The following SELENOI variants were observed in gnomAD, a reference collection of about 807,000 sequenced individuals.
The protein encoded by SELENOI is ethanolaminephosphotransferase 1.
SELENOI carries 24 observed loss-of-function variants against 50.7 expected under a neutral mutation model. That is an observed-to-expected ratio of 0.47 (90% CI 0.34 to 0.67). The LOEUF (loss-of-function observed/expected upper bound fraction) is 0.67, where lower values mean the gene tolerates loss of function less well. Among genes scored for constraint, SELENOI ranks in the 30% least tolerant of loss-of-function variants. The pLI, the probability that SELENOI is intolerant of heterozygous loss-of-function variation, is 0.01. For synonymous variants in SELENOI, 155 were observed against 170.2 expected, an observed-to-expected ratio of 0.91 and a Z score of 0.70; for missense variants, 352 against 461.4, an observed-to-expected ratio of 0.76 and a Z score of 2.17.
intron 1 of SELENOI, among the ~76,000 whole-genome samples, chr2:26,350,270 T>G (rs1361208497): frequency 6.6e-6 from 1 of 152,130 alleles, no homozygotes; most frequent in African/African-American, 2.4e-5. Flanking sequence ...TAAAGAGAGA[T>G]TGTGTTTGCA....
At chr2:26,349,676 T>TG (rs1377673241) in intron 1 of SELENOI, among the ~76,000 whole-genome samples, 1 of 150,042 alleles carries the variant, frequency 6.7e-6, no homozygotes, top group African/African-American at 2.4e-5. Flanking sequence ...GTTGGTTTTT[T>TG]TTTTTTTTTT....
At chr2:26,365,472 A>T (rs1386773412) in intron 3 of SELENOI, among the ~76,000 whole-genome samples, 1 of 152,174 alleles carries the variant, frequency 6.6e-6, no homozygotes, top group African/African-American at 2.4e-5. Context: ...CACTCATTTT[A>T]TCTTCACTCT....
intron 1 of SELENOI, among the ~76,000 whole-genome samples, chr2:26,351,055 G>GTTTTTTTTTTTTTTTTTT: frequency 9.7e-6 from 1 of 102,898 alleles, no homozygotes; most frequent in Non-Finnish European, 2.0e-5. Flanking sequence ...CTGTTTGTTT[G>GTTTTTTTTTTTTTTTTTT]TTTTTTTTTT....
At chr2:26,351,055 G>GTTTTTT (rs35623246) in intron 1 of SELENOI, among the ~76,000 whole-genome samples, 15 of 102,864 alleles carry the variant, frequency 1.5e-4, no homozygotes, top group Non-Finnish European at 2.5e-4. Context: ...CTGTTTGTTT[G>GTTTTTT]TTTTTTTTTT....
intron 1 of SELENOI, among the ~76,000 whole-genome samples, chr2:26,361,846 C>T (rs1008279518): frequency 6.6e-6 from 1 of 152,092 alleles, no homozygotes; most frequent in Non-Finnish European, 1.5e-5. Context: ...TTAGTAGACA[C>T]GGAGTTTCAC....
intron 4 of SELENOI, among the ~76,000 whole-genome samples, chr2:26,369,159 C>T (rs76487493): frequency 6.6e-6 from 1 of 152,174 alleles, no homozygotes; most frequent in African/African-American, 2.4e-5. Flanking sequence ...CTGTTTCTGC[C>T]TGTAAAATGA....
Position 26,360,960 on chromosome 2 carries a change from A to G in SELENOI, c.58-3342A>G, listed in dbSNP as rs537538191. On this transcript the variant is annotated intron_variant, in intron 1 of 9. Coordinates refer to ENST00000260585, the MANE Select transcript of SELENOI (RefSeq NM_033505.4). ...GCCGGCACGGTGGCTTACGCCTGTA[A>G]TCCCAGCACTTTGGGAGGCCAAGGT... 3.9e-5 allele frequency among the ~76,000 whole-genome samples: 6 copies of G among 152,308 alleles called. No individual in the cohort carries two copies. In the East Asian group the frequency reaches 1.2e-3, roughly 29 times the overall value.
At chr2:26,373,338 A>C in intron 4 of SELENOI, 29 bp from the exon 5 acceptor site, 1 of 1,590,516 alleles carries the variant, frequency 6.3e-7, no homozygotes, top group South Asian at 1.1e-5. Flanking sequence ...CATACGTTGA[A>C]CTTTTCCTGT....
chr2:26,370,718 G>A (rs1455923594), intron 4 of SELENOI, among the ~76,000 whole-genome samples: 1 of 137,944 alleles, frequency 7.2e-6, no homozygotes, highest in African/African-American at 2.7e-5. Context: ...CCTCCCGGAC[G>A]GGGCGGCTGG....
chr2:26,373,403 C>G lies in SELENOI; in HGVS notation c.347C>G (p.Ser116Cys). ...GGAAAGCAAGCTCGCAGAACCAATT[C>G]TAGCACTCCCTTAGGGGAGCTTTTT... The part of the protein sequence containing the change: ...VDGKQARRTN[S>C]STPLGELFDH... The change falls in exon 5 of 10, where the codon TCT (serine) becomes TGT (cysteine). Residue 116 changes from serine (S) to cysteine (C), a missense_variant. Physicochemically the swap from Ser to Cys is moderately radical, Grantham distance 112. Coordinates refer to ENST00000260585, the MANE Select transcript of SELENOI (RefSeq NM_033505.4). 6.2e-7 allele frequency: 1 copy of G among 1,612,162 alleles called. No homozygotes were observed. The highest frequency in any genetic ancestry group is 1.1e-5 in the South Asian group (1 of 90,706).
rs1677435919 is a variant in SELENOI at position 26,371,262 on chromosome 2, G to A, written c.311-2105G>A. Among the ~76,000 whole-genome samples, 4 of 151,530 alleles carry A rather than the reference G, an allele frequency of 2.6e-5. No individual in the cohort carries two copies. In the South Asian group the frequency reaches 8.3e-4, roughly 32 times the overall value. The stretch of plus-strand genomic sequence containing the variant: ...GGAGAGGCTCCTCACTTCTCAGACG[G>A]GGTGGCCGGGCAGAGACGCTCCTCA... On this transcript the variant is annotated intron_variant, in intron 4 of 9. Transcript: ENST00000260585.
intron 1 of SELENOI, among the ~76,000 whole-genome samples, chr2:26,359,932 G>A (rs187303943): frequency 6.6e-6 from 1 of 152,204 alleles, no homozygotes; most frequent in Non-Finnish European, 1.5e-5. Context: ...GGTTTTTCAT[G>A]GAACGAGTCT....
At chr2:26,352,843 GAAA>G (rs35795789) in intron 1 of SELENOI, among the ~76,000 whole-genome samples, 9 of 126,326 alleles carry the variant, frequency 7.1e-5, no homozygotes, top group African/African-American at 2.4e-4. Flanking sequence ...GGATTCTCTT[GAAA>G]AAAAAAAAAA....
In SELENOI at chr2:26,383,358, TA is replaced by T; in HGVS notation, c.731+12del. 2.0e-6 allele frequency: 3 copies of T among 1,515,642 alleles called. No individual in the cohort carries two copies. The highest frequency in any genetic ancestry group is 2.7e-6 in the Non-Finnish European group (3 of 1,117,628). The allele number at this position is 1,515,642 out of a possible 1,614,324, so 93.9% of individuals were successfully genotyped here. ...ATTAAACTTTTTCAGGTAAGTATTT[TA>T]TTTTTTAAATGGGCAAGAAATATGA... On this transcript the variant is annotated intron_variant, in intron 7 of 9. Transcript: ENST00000260585.
In SELENOI at chr2:26,393,653, TC is replaced by T. The variant is rs1393932009; in HGVS notation, c.*4551del. The T allele has an allele frequency of 2.0e-5, 3 of 152,236 alleles. No homozygotes were observed. Among genetic ancestry groups the T allele is most frequent in the African/African-American group, 7.2e-5 (3 of 41,462 alleles). The allele number at this position is 152,236 out of a possible 1,614,324, so 9.4% of individuals were successfully genotyped here. On this transcript the variant is annotated 3_prime_UTR_variant, in exon 10 of 10. Coordinates refer to ENST00000260585, the MANE Select transcript of SELENOI (RefSeq NM_033505.4). ...GGTCTTCCACAGACCATTCACATGG[TC>T]TTTCTCTCCAGAGAATCATTCTTAG...
chr2:26,382,858 A>G (rs1184412038), intron 6 of SELENOI, among the ~76,000 whole-genome samples: 1 of 152,118 alleles, frequency 6.6e-6, no homozygotes, highest in Admixed American at 6.5e-5. Flanking sequence ...TAAAAAATAA[A>G]TGTGAAGCAA....
intron 1 of SELENOI, 127 bp downstream of exon 1, chr2:26,346,416 C>T: frequency 8.3e-7 from 1 of 1,199,124 alleles, no homozygotes; most frequent in African/African-American, 1.6e-5. Context: ...GGCGTTCCTC[C>T]GGAGGTCCTG....
chr2:26,362,215 AC>A (rs1677193542), intron 1 of SELENOI, among the ~76,000 whole-genome samples: 1 of 151,448 alleles, frequency 6.6e-6, no homozygotes, highest in South Asian at 2.1e-4. Flanking sequence ...GAGTACAGGC[AC>A]CTGCCACCGT....
chr2:26,346,312 C>T lies in SELENOI; in HGVS notation c.57+23C>T, dbSNP rs201285524. On this transcript the variant is annotated intron_variant, in intron 1 of 9. Coordinates refer to ENST00000260585, the MANE Select transcript of SELENOI (RefSeq NM_033505.4). ...AAGGTACCGCGGGCCGGCGGATGCC[C>T]CTCTCCCTGCTCCCGGCCTCGCCCA... 2.3e-3 allele frequency: 3,688 copies of T among 1,600,712 alleles called. 8 individuals carry two copies. Among genetic ancestry groups the T allele is most frequent in the Non-Finnish European group, 2.8e-3 (3,339 of 1,172,068 alleles).
Sources: gnomAD v4.1 joint callset for allele counts (sites outside exome capture counted in the v4.1 genomes callset) on GRCh38, gnomAD v4.1.1 for gene constraint, MANE v1.5 for transcripts, NCBI Gene and HGNC (gene_info 2026-07-23, HGNC 2026-07-21) for gene names.